Variants in CHST9 observed in about 807,000 individuals in gnomAD.
CHST9 encodes the protein GalNAc-4-sulfotransferase 2.
A neutral mutation model predicts 44.4 loss-of-function variants in CHST9; 41 were observed. The observed-to-expected ratio is 0.92, with a 90% CI of 0.72 to 1.20. The LOEUF (loss-of-function observed/expected upper bound fraction) is 1.20. Ranked by LOEUF, CHST9 falls within the 50% of genes most tolerant of loss-of-function variation. The probability of loss-of-function intolerance (pLI) is 0.00; values close to 1 mark genes in which losing one functional copy is unlikely to be tolerated. For synonymous variants in CHST9, 171 were observed against 178.4 expected, an observed-to-expected ratio of 0.96 and a Z score of 0.33; for missense variants, 504 against 516.5, an observed-to-expected ratio of 0.98 and a Z score of 0.23.
chr18:26,950,319 T>C (rs1449224622), intron 4 of CHST9, among the ~76,000 whole-genome samples: 1 of 152,168 alleles, frequency 6.6e-6, no homozygotes, highest in Non-Finnish European at 1.5e-5. Context: ...CAAATTTTCA[T>C]GGTCTATGGG....
At chr18:27,162,114 G>T (rs2058752249) in intron 1 of CHST9, among the ~76,000 whole-genome samples, 2 of 152,048 alleles carry the variant, frequency 1.3e-5, no homozygotes, top group South Asian at 4.1e-4. Context: ...TTACATTTAA[G>T]ATTAATATTG....
chr18:27,067,719 T>G (rs968642263), intron 2 of CHST9, among the ~76,000 whole-genome samples: 1 of 152,156 alleles, frequency 6.6e-6, no homozygotes, highest in Admixed American at 6.5e-5. Context: ...ATGTTAAACC[T>G]AATATATTGA....
intron 1 of CHST9, among the ~76,000 whole-genome samples, chr18:27,144,865 C>A (rs1438005299): frequency 1.3e-5 from 2 of 151,990 alleles, no homozygotes; most frequent in African/African-American, 4.8e-5. Context: ...GTCAACCCTG[C>A]GTTTCTACAG....
At chr18:27,156,315 AAAG>A (rs1170666106) in intron 1 of CHST9, among the ~76,000 whole-genome samples, 9 of 152,062 alleles carry the variant, frequency 5.9e-5, no homozygotes, top group Non-Finnish European at 2.9e-5. Flanking sequence ...AAATGTCAGA[AAAG>A]AAGAAGTGTA....
chr18:27,015,274 G>C (rs1321112484), intron 4 of CHST9, among the ~76,000 whole-genome samples: 2 of 151,544 alleles, frequency 1.3e-5, no homozygotes, highest in Non-Finnish European at 1.5e-5. Context: ...TCAGTGTAAA[G>C]AAACATACTT....
rs2056626045 is a variant in CHST9, at chr18:26,976,556, G to A, written c.203-32190C>T. ...GGCCAGACAGGGATCCAGGAGGGAA[G>A]AAGTGAGGGAGACATTCCCTTCTTT... is the stretch of plus-strand genomic sequence containing the variant. On this transcript the variant is annotated intron_variant, in intron 4 of 5. Coordinates refer to ENST00000618847, the MANE Select transcript of CHST9 (RefSeq NM_031422.6). Among the ~76,000 whole-genome samples, 4 of 152,134 alleles carry A rather than the reference G, an allele frequency of 2.6e-5. No homozygotes were observed. In the South Asian group the frequency reaches 8.3e-4, roughly 32 times the overall value.
At chr18:27,173,989 A>G (rs570867388) in intron 1 of CHST9, among the ~76,000 whole-genome samples, 2 of 152,118 alleles carry the variant, frequency 1.3e-5, no homozygotes, top group Admixed American at 6.6e-5. Context: ...AGTTGCAGAT[A>G]TGAGATTTCA....
chr18:26,970,094 T>C (rs1005608390), intron 4 of CHST9, among the ~76,000 whole-genome samples: 1 of 152,140 alleles, frequency 6.6e-6, no homozygotes, highest in Non-Finnish European at 1.5e-5. Context: ...GTGCCTAAAA[T>C]TGCCCACAGT....
chr18:27,157,891 A>T (rs1598765575), intron 1 of CHST9, among the ~76,000 whole-genome samples: 1 of 152,262 alleles, frequency 6.6e-6, no homozygotes, highest in Non-Finnish European at 1.5e-5. Flanking sequence ...AGTGTTATGA[A>T]TATGCTGGTT....
chr18:27,145,836 T>C (rs949937684), intron 1 of CHST9, among the ~76,000 whole-genome samples: 5 of 152,184 alleles, frequency 3.3e-5, no homozygotes, highest in Non-Finnish European at 5.9e-5. Context: ...GTGTTCCAAA[T>C]TGAATCCCTC....
chr18:26,939,454 G>A (rs567734658), intron 5 of CHST9, among the ~76,000 whole-genome samples: 3 of 152,314 alleles, frequency 2.0e-5, no homozygotes, highest in South Asian at 2.1e-4. Context: ...GGTTAGAAAC[G>A]TATTGTATGG....
intron 1 of CHST9, among the ~76,000 whole-genome samples, chr18:27,171,384 A>G (rs557017225): frequency 6.6e-6 from 1 of 152,348 alleles, no homozygotes; most frequent in African/African-American, 2.4e-5. Flanking sequence ...AAATCTATTT[A>G]TTCACAAAAT....
intron 2 of CHST9, among the ~76,000 whole-genome samples, chr18:27,109,273 C>A (rs1189954704): frequency 6.6e-6 from 1 of 152,172 alleles, no homozygotes; most frequent in African/African-American, 2.4e-5. Flanking sequence ...TTAATTAAGA[C>A]ACCAGCACCT....
intron 2 of CHST9, among the ~76,000 whole-genome samples, chr18:27,080,795 A>G (rs1272205573): frequency 6.6e-6 from 1 of 152,214 alleles, no homozygotes; most frequent in African/African-American, 2.4e-5. Context: ...AGCCTGGGTA[A>G]CCAGGCAAAT....
At chr18:27,048,911 G>A (rs1398674410) in intron 2 of CHST9, among the ~76,000 whole-genome samples, 2 of 152,108 alleles carry the variant, frequency 1.3e-5, no homozygotes, top group Non-Finnish European at 2.9e-5. Flanking sequence ...AGTGTAGAAT[G>A]TTTAAAGATA....
chr18:27,020,536 A>C (rs2057212152), intron 4 of CHST9, among the ~76,000 whole-genome samples: 1 of 152,206 alleles, frequency 6.6e-6, no homozygotes, highest in South Asian at 2.1e-4. Context: ...AGGTTTTTCC[A>C]GATGTTTCAA....
At chr18:27,020,401 C>T (rs1334578593) in intron 4 of CHST9, among the ~76,000 whole-genome samples, 1 of 152,194 alleles carries the variant, frequency 6.6e-6, no homozygotes, top group Non-Finnish European at 1.5e-5. Flanking sequence ...TGTTGGAAGT[C>T]ACAGAAGAGT....
intron 4 of CHST9, among the ~76,000 whole-genome samples, chr18:26,999,227 AT>A (rs1158758287): frequency 6.6e-6 from 1 of 152,196 alleles, no homozygotes; most frequent in African/African-American, 2.4e-5. Context: ...ATGGCTGTCG[AT>A]TTATGGTTCA....
chr18:27,135,200 C>T (rs1030815504), intron 2 of CHST9, among the ~76,000 whole-genome samples: 2 of 151,858 alleles, frequency 1.3e-5, no homozygotes, highest in South Asian at 2.1e-4. Context: ...AAAAATAACA[C>T]AAAACAAGGG....
Sources: gnomAD v4.1 joint callset for allele counts (sites outside exome capture counted in the v4.1 genomes callset) on GRCh38, gnomAD v4.1.1 for gene constraint, MANE v1.5 for transcripts, NCBI Gene and HGNC (gene_info 2026-07-23, HGNC 2026-07-21) for gene names.